Variants in GPATCH2 observed in about 807,000 individuals in gnomAD.
GPATCH2 encodes G-patch domain containing 2, also known as G patch domain-containing protein 2.
GPATCH2 carries 51 observed loss-of-function variants against 58.0 expected under a neutral mutation model. That is an observed-to-expected ratio of 0.88 (90% confidence interval 0.70 to 1.11). GPATCH2 has a LOEUF of 1.11. Among genes scored for constraint, GPATCH2 ranks in the 50% most tolerant of loss-of-function variants. The pLI, the probability that GPATCH2 is intolerant of heterozygous loss-of-function variation, is 0.00. For synonymous variants in GPATCH2, 222 were observed against 218.5 expected (o/e 1.02, Z -0.14); for missense variants, 625 against 652.2 (o/e 0.96, Z 0.45).
intron 5 of GPATCH2, among the ~76,000 whole-genome samples, chr1:217,563,784 C>T (rs1371234495): frequency 6.6e-6 from 1 of 152,078 alleles, no homozygotes; most frequent in Non-Finnish European, 1.5e-5. Context: ...GTGGCTCACG[C>T]CTATAATCCC....
chr1:217,607,956 T>C lies in GPATCH2; in HGVS notation c.1098+2365A>G, dbSNP rs575596156. ...TGTTTTACTTTGCTCAGAAAATTAA[T>C]CTCTCTTAAAAACAATCTGGCTTTC... On this transcript the variant is annotated intron_variant, in intron 5 of 9. Coordinates refer to ENST00000366935, the MANE Select transcript of GPATCH2 (RefSeq NM_018040.5). 2.0e-5 allele frequency among the ~76,000 whole-genome samples: 3 copies of C among 152,308 alleles called. No homozygotes were observed. The South Asian group carries it at 6.2e-4, about 32-fold the overall frequency.
intron 1 of GPATCH2, among the ~76,000 whole-genome samples, chr1:217,622,976 T>C (rs186574157): frequency 1.1e-4 from 16 of 152,372 alleles, no homozygotes; most frequent in Non-Finnish European, 2.2e-4. Flanking sequence ...TTTTCTATTA[T>C]CTATGTTATC....
intron 6 of GPATCH2, among the ~76,000 whole-genome samples, chr1:217,504,248 G>A (rs1558440234): frequency 6.6e-6 from 1 of 152,180 alleles, no homozygotes; most frequent in Non-Finnish European, 1.5e-5. Flanking sequence ...TAGGAAAATG[G>A]TGGCCTCTGT....
intron 8 of GPATCH2, among the ~76,000 whole-genome samples, chr1:217,488,299 T>A (rs1321520838): frequency 6.6e-6 from 1 of 152,242 alleles, no homozygotes; most frequent in Non-Finnish European, 1.5e-5. Context: ...ATTTTCCATT[T>A]ATAAATTTTC....
intron 2 of GPATCH2, among the ~76,000 whole-genome samples, chr1:217,618,277 T>C (rs556537719): frequency 2.6e-5 from 4 of 151,240 alleles, no homozygotes; most frequent in Middle Eastern, 3.4e-3. Flanking sequence ...TGGCACGATC[T>C]TGGATGTCTG....
intron 5 of GPATCH2, among the ~76,000 whole-genome samples, chr1:217,588,185 G>A (rs547021186): frequency 1.3e-5 from 2 of 152,222 alleles, no homozygotes; most frequent in East Asian, 3.9e-4. Context: ...TCTTCCAGGG[G>A]ACTGAAAAGA....
At chr1:217,610,548 C>T (rs1158169994) in intron 4 of GPATCH2, 148 bp from the exon 5 acceptor site, 2 of 613,602 alleles carry the variant, frequency 3.3e-6, no homozygotes, top group Non-Finnish European at 5.7e-6. Context: ...AAAACTCACA[C>T]TTAAAAAAAC....
At chr1:217,541,567 A>G (rs1664744088) in intron 5 of GPATCH2, among the ~76,000 whole-genome samples, 1 of 152,132 alleles carries the variant, frequency 6.6e-6, no homozygotes, top group African/African-American at 2.4e-5. Flanking sequence ...ATTTGAAAAG[A>G]GCTCATTTCA....
intron 8 of GPATCH2, among the ~76,000 whole-genome samples, chr1:217,462,824 TG>T (rs1188099553): frequency 6.6e-5 from 10 of 152,164 alleles, no homozygotes; most frequent in Non-Finnish European, 1.5e-4. Flanking sequence ...CAGTTAAGAG[TG>T]TGGACTGTGC....
intron 8 of GPATCH2, among the ~76,000 whole-genome samples, chr1:217,465,402 T>C (rs1660401273): frequency 6.6e-6 from 1 of 152,160 alleles, no homozygotes; most frequent in East Asian, 1.9e-4. Flanking sequence ...AACATTATAA[T>C]TGGAGAACAT....
intron 9 of GPATCH2, among the ~76,000 whole-genome samples, chr1:217,444,887 A>G (rs1028233890): frequency 6.6e-6 from 1 of 152,208 alleles, no homozygotes; most frequent in Non-Finnish European, 1.5e-5. Flanking sequence ...GCTTGGTTGC[A>G]CCACACATTT....
At chr1:217,453,521 G>C (rs1217987687) in intron 8 of GPATCH2, among the ~76,000 whole-genome samples, 1 of 152,126 alleles carries the variant, frequency 6.6e-6, no homozygotes, top group Non-Finnish European at 1.5e-5. Context: ...AACTCAAAAA[G>C]AAGTCTTTTT....
intron 8 of GPATCH2, among the ~76,000 whole-genome samples, chr1:217,470,417 G>C (rs565084602): frequency 6.6e-6 from 1 of 152,204 alleles, no homozygotes; most frequent in Admixed American, 6.5e-5. Context: ...GTAGTGTTTT[G>C]TTTTTGTTTT....
intron 5 of GPATCH2, among the ~76,000 whole-genome samples, chr1:217,548,830 C>T (rs1176780196): frequency 1.3e-5 from 2 of 152,070 alleles, no homozygotes; most frequent in African/African-American, 4.8e-5. Context: ...AGGTGCCTTC[C>T]GCCATGATTG....
intron 5 of GPATCH2, among the ~76,000 whole-genome samples, chr1:217,552,659 T>C (rs934664062): frequency 1.3e-5 from 2 of 152,178 alleles, no homozygotes; most frequent in Non-Finnish European, 2.9e-5. Flanking sequence ...AATTCCAATA[T>C]GAAAAAACAG....
intron 9 of GPATCH2, among the ~76,000 whole-genome samples, chr1:217,433,159 A>T (rs904702458): frequency 1.3e-5 from 2 of 151,992 alleles, no homozygotes; most frequent in African/African-American, 4.8e-5. Context: ...CTACAAAAAA[A>T]AGTTGGAACT....
At chr1:217,477,714 G>A (rs1661028259) in intron 8 of GPATCH2, among the ~76,000 whole-genome samples, 1 of 152,292 alleles carries the variant, frequency 6.6e-6, no homozygotes, top group African/African-American at 2.4e-5. Context: ...AACTACTGGT[G>A]TGAGTGCCAA....
rs144589612 is a variant in GPATCH2, at chr1:217,584,073, G to T, written c.1098+26248C>A. On this transcript the variant is annotated intron_variant, in intron 5 of 9. Coordinates refer to ENST00000366935, the MANE Select transcript of GPATCH2 (RefSeq NM_018040.5). Reference sequence around the variant, plus strand: ...GACTGAAATATAAGATGAAAGGTGAGAAAGAATCTGGTAAATCTTATAGAT... The same window carrying T: ...GACTGAAATATAAGATGAAAGGTGATAAAGAATCTGGTAAATCTTATAGAT... 4.5e-3 allele frequency among the ~76,000 whole-genome samples: 684 copies of T among 151,968 alleles called. 7 individuals are homozygous for T. The highest frequency in any genetic ancestry group is 0.016 in the African/African-American group (644 of 41,466).
chr1:217,619,903 C>T lies in GPATCH2; in HGVS notation c.653G>A (p.Arg218Lys), dbSNP rs1669096185. Residue 218 changes from arginine (R) to lysine (K), a missense_variant, in exon 2 of 10, where the codon AGA (arginine) becomes AAA (lysine). Arg to Lys is a conservative substitution (Grantham distance 26, BLOSUM62 2). Coordinates refer to ENST00000366935, the MANE Select transcript of GPATCH2 (RefSeq NM_018040.5). ...KVKKRKLKII[R>K]QGPKIQDEGV... ...TTCATCTTGGATTTTTGGTCCTTGT[C>T]TGATTATTTTCAACTTTCTTTTTTT... The T allele has an allele frequency of 6.2e-7, 1 of 1,613,750 alleles. No individual in the cohort carries two copies. The highest frequency in any genetic ancestry group is 8.5e-7 in the Non-Finnish European group (1 of 1,179,800).
Sources: gnomAD v4.1 joint callset for allele counts (sites outside exome capture counted in the v4.1 genomes callset) on GRCh38, gnomAD v4.1.1 for gene constraint, MANE v1.5 for transcripts, NCBI Gene and HGNC (gene_info 2026-07-23, HGNC 2026-07-21) for gene names.